The following BCAS3 variants were observed in gnomAD, a reference collection of about 807,000 sequenced individuals.
BCAS3 encodes BCAS4/BCAS3 fusion.
Under a neutral mutation model 116.1 loss-of-function variants are expected in BCAS3, and 53 were observed. The observed-to-expected ratio is 0.46, with a 90% CI of 0.37 to 0.57. The LOEUF (loss-of-function observed/expected upper bound fraction) is 0.57. BCAS3 is among the 20% of genes least tolerant of loss of function. BCAS3 has a pLI of 0.00. For missense variants in BCAS3, 917 were observed against 1,165.4 expected, an observed-to-expected ratio of 0.79 and a Z score of 3.10; for synonymous variants, 391 against 408.2, an observed-to-expected ratio of 0.96 and a Z score of 0.51.
rs112598549 is a variant in BCAS3 at position 61,095,114 on chromosome 17, T to C, written c.2425+10550T>C. Among the ~76,000 whole-genome samples the C allele has an allele frequency of 1.5e-3, 224 of 152,300 alleles. 1 individual carries two copies. Among genetic ancestry groups the C allele is most frequent in the African/African-American group, 4.6e-3 (192 of 41,554 alleles). ...TGTTAAGGATCATATCAAGGAAGAATATCCCCAGAACCTGAAAATGCTATT... is the reference window on the plus strand; with the variant it reads ...TGTTAAGGATCATATCAAGGAAGAACATCCCCAGAACCTGAAAATGCTATT... On this transcript the variant is annotated intron_variant, in intron 22 of 23. Coordinates refer to ENST00000407086, the MANE Select transcript of BCAS3 (RefSeq NM_017679.5). The surrounding 1 kb of genome is among the most constrained non-coding windows in gnomAD (Gnocchi z 4.7).
At chr17:61,091,414 C>CTT (rs2073559038) in intron 22 of BCAS3, among the ~76,000 whole-genome samples, 1 of 152,142 alleles carries the variant, frequency 6.6e-6, no homozygotes, top group Non-Finnish European at 1.5e-5. Context: ...GTTGGGGGCA[C>CTT]TATTAGAATT....
At chr17:61,045,042 T>A (rs2067916389) in intron 19 of BCAS3, among the ~76,000 whole-genome samples, 1 of 152,074 alleles carries the variant, frequency 6.6e-6, no homozygotes, top group Admixed American at 6.6e-5. Context: ...ATTACAGGCA[T>A]GAGCCACTGT....
rs1454453276 is a variant in BCAS3 at position 61,161,849 on chromosome 17, CTCT to C, written c.2425+77286_2425+77288del. On this transcript the variant is annotated intron_variant, in intron 22 of 23. Transcript: ENST00000407086. The surrounding 1 kb of genome is among the most constrained non-coding windows in gnomAD (Gnocchi z 4.8). ...TCTGGAAAAGTAGTAGTACTGCCTT[CTCT>C]GGCCTTTATAAACATGATTGCTGGA... Among the ~76,000 whole-genome samples, 2 of 152,180 alleles carry C rather than the reference CTCT, an allele frequency of 1.3e-5. No individual in the cohort carries two copies. Among genetic ancestry groups the C allele is most frequent in the Admixed American group, 6.5e-5 (1 of 15,274 alleles).
rs2065581020 is a variant in BCAS3 at position 61,017,954 on chromosome 17, C to T, written c.1637+2053C>T. Among the ~76,000 whole-genome samples, 6 of 152,192 alleles carry T rather than the reference C, an allele frequency of 3.9e-5. 1 individual carries two copies. The South Asian group carries it at 1.2e-3, about 32-fold the overall frequency. ...CTTACAAAAATTTGCTCTCTGTTCTCAGATTTTTGGAGCATGTATTCTGTT... is the reference window on the plus strand; with the variant it reads ...CTTACAAAAATTTGCTCTCTGTTCTTAGATTTTTGGAGCATGTATTCTGTT... On this transcript the variant is annotated intron_variant, in intron 16 of 23. Transcript: ENST00000407086. This position sits in a 1 kb window ranked among gnomAD's most constrained non-coding sequence, Gnocchi z 4.7.
chr17:61,247,271 A>C (rs1207860519), intron 22 of BCAS3, among the ~76,000 whole-genome samples: 1 of 152,204 alleles, frequency 6.6e-6, no homozygotes, highest in East Asian at 1.9e-4. Context: ...TTTTTCTTAT[A>C]GTATTCTATA....
chr17:61,129,667 C>G (rs1242237838), intron 22 of BCAS3, among the ~76,000 whole-genome samples: 1 of 152,222 alleles, frequency 6.6e-6, no homozygotes, highest in Non-Finnish European at 1.5e-5. Flanking sequence ...CTGCCCTTGG[C>G]TGTGCTGTTG....
At chr17:61,260,193 G>T (rs904278552) in intron 22 of BCAS3, among the ~76,000 whole-genome samples, 1 of 152,098 alleles carries the variant, frequency 6.6e-6, no homozygotes, top group Non-Finnish European at 1.5e-5. Flanking sequence ...AATCACTGTG[G>T]TATTTCACAC....
At chr17:60,786,574 A>G (rs1456097463) in intron 6 of BCAS3, among the ~76,000 whole-genome samples, 1 of 142,830 alleles carries the variant, frequency 7.0e-6, no homozygotes, top group Non-Finnish European at 1.5e-5. Flanking sequence ...TATATATAAA[A>G]TGTGTCAGTG....
At chr17:60,889,861 C>T (rs1824226481) in intron 10 of BCAS3, 90 bp downstream of exon 10, 13 of 1,183,542 alleles carry the variant, frequency 1.1e-5, no homozygotes, top group Non-Finnish European at 1.6e-5. Flanking sequence ...TAGTTGATTA[C>T]CAATAATAAA....
chr17:60,946,942 G>T (rs2060532488), intron 13 of BCAS3, among the ~76,000 whole-genome samples: 1 of 152,084 alleles, frequency 6.6e-6, no homozygotes, highest in African/African-American at 2.4e-5. Flanking sequence ...TATGAATTCT[G>T]TAAATTCAGG....
In BCAS3 at chr17:61,020,637, C is replaced by T. The variant is rs2065809518; in HGVS notation, c.1637+4736C>T. 6.6e-6 allele frequency among the ~76,000 whole-genome samples: 1 copy of T among 152,082 alleles called. No individual in the cohort carries two copies. The highest frequency in any genetic ancestry group is 2.4e-5 in the African/African-American group (1 of 41,404). On this transcript the variant is annotated intron_variant, in intron 16 of 23. Coordinates refer to ENST00000407086, the MANE Select transcript of BCAS3 (RefSeq NM_017679.5). The surrounding 1 kb of genome is among the most constrained non-coding windows in gnomAD (Gnocchi z 4.5). ...TGGAATTAGGTGCTAAGAGGTTGCA[C>T]CATATCTTGGATGTTAGGTTTGTAG... is the stretch of plus-strand genomic sequence containing the variant.
chr17:61,134,967 T>G lies in BCAS3; in HGVS notation c.2425+50403T>G, dbSNP rs2076541194. Among the ~76,000 whole-genome samples the G allele has an allele frequency of 6.6e-6, 1 of 152,198 alleles. No homozygotes were observed. Among genetic ancestry groups the G allele is most frequent in the African/African-American group, 2.4e-5 (1 of 41,452 alleles). The stretch of plus-strand genomic sequence containing the variant: ...ACAGTATTTCTTCAAAACTGGAATG[T>G]TATTAGAGTTCTTGCTTGAAAATAG... On this transcript the variant is annotated intron_variant, in intron 22 of 23. Coordinates refer to ENST00000407086, the MANE Select transcript of BCAS3 (RefSeq NM_017679.5). The surrounding 1 kb of genome is among the most constrained non-coding windows in gnomAD (Gnocchi z 4.6).
chr17:61,075,997 A>C (rs1339316677), intron 20 of BCAS3, among the ~76,000 whole-genome samples: 2 of 151,894 alleles, frequency 1.3e-5, no homozygotes, highest in Non-Finnish European at 2.9e-5. Flanking sequence ...GGGCTCAAGC[A>C]ATCCTCCTGT....
At chr17:60,854,628 A>G (rs1408871222) in intron 7 of BCAS3, among the ~76,000 whole-genome samples, 2 of 152,240 alleles carry the variant, frequency 1.3e-5, no homozygotes, top group African/African-American at 2.4e-5. Context: ...AGAAATGCAA[A>G]TCAAAACCAC....
chr17:61,110,323 C>A (rs1167898672), intron 22 of BCAS3, among the ~76,000 whole-genome samples: 2 of 152,320 alleles, frequency 1.3e-5, no homozygotes, highest in Admixed American at 6.5e-5. Context: ...GCATTTCCAT[C>A]TGAGGTACCG....
intron 19 of BCAS3, among the ~76,000 whole-genome samples, chr17:61,067,811 A>G (rs1184000583): frequency 1.3e-5 from 2 of 151,580 alleles, no homozygotes; most frequent in Non-Finnish European, 2.9e-5. Flanking sequence ...GAAAAATACC[A>G]TAAGTGATTT....
intron 6 of BCAS3, among the ~76,000 whole-genome samples, chr17:60,767,680 A>G (rs369606039): frequency 3.9e-5 from 6 of 152,028 alleles, no homozygotes; most frequent in African/African-American, 1.4e-4. Flanking sequence ...TGTTGCTGGA[A>G]AATTATTGTT....
At chr17:60,786,365 G>C (rs1331727759) in intron 6 of BCAS3, among the ~76,000 whole-genome samples, 1 of 151,922 alleles carries the variant, frequency 6.6e-6, no homozygotes, top group Non-Finnish European at 1.5e-5. Context: ...AAGAAAAAAA[G>C]TATTGTTTTA....
rs540156435 is a variant in BCAS3 at position 60,846,033 on chromosome 17, A to G, written c.477-22543A>G. 3.8e-4 allele frequency among the ~76,000 whole-genome samples: 58 copies of G among 152,052 alleles called. 2 individuals are homozygous for G. Among genetic ancestry groups the G allele is most frequent in the Non-Finnish European group, 1.5e-4 (10 of 67,974 alleles). On this transcript the variant is annotated intron_variant, in intron 7 of 23. Coordinates refer to ENST00000407086, the MANE Select transcript of BCAS3 (RefSeq NM_017679.5). ...AGCCCCAACCTTCCAGGCTCAAGCA[A>G]TCCTCCCACCTCAGTCTCCTGAGTA...
Sources: allele counts gnomAD v4.1 joint callset (sites outside exome capture counted in the v4.1 genomes callset), GRCh38; gene constraint gnomAD v4.1.1; non-coding constraint Gnocchi (gnomAD v3.1); transcripts MANE v1.5; gene names NCBI Gene and HGNC (gene_info 2026-07-23, HGNC 2026-07-21).